Variants in GRB10 observed in about 807,000 individuals in gnomAD.
GRB10 encodes the protein growth factor receptor-bound protein 10.
A neutral mutation model predicts 80.9 loss-of-function variants in GRB10; 20 were observed. That is an observed-to-expected ratio of 0.25 (90% CI 0.17 to 0.36). GRB10 has a LOEUF of 0.36. Ranked by LOEUF, GRB10 falls within the 10% of genes least tolerant of loss-of-function variation. The probability of loss-of-function intolerance (pLI) is 1.00; values close to 1 mark genes in which losing one functional copy is unlikely to be tolerated. For synonymous variants in GRB10, 291 were observed against 291.5 expected (o/e 1.00, Z 0.02); for missense variants, 548 against 747.7 (o/e 0.73, Z 3.12).
At chr7:50,748,765 G>T (rs1176504979) in intron 3 of GRB10, among the ~76,000 whole-genome samples, 1 of 152,198 alleles carries the variant, frequency 6.6e-6, no homozygotes, top group Non-Finnish European at 1.5e-5. Flanking sequence ...TTGGGGTAAA[G>T]GGCAATGATA....
intron 4 of GRB10, among the ~76,000 whole-genome samples, chr7:50,723,347 G>A (rs1261397042): frequency 1.3e-5 from 2 of 152,168 alleles, no homozygotes; most frequent in African/African-American, 2.4e-5. Context: ...CCCCGGCTAT[G>A]TCTTACACAC....
Position 50,775,161 on chromosome 7 carries a change from C to CAAAAAAAAAAAAAAAAAAAAAAAAAAA in GRB10, c.-217+5465_-217+5466insTTTTTTTTTTTTTTTTTTTTTTTTTTT, listed in dbSNP as rs777553621. Among the ~76,000 whole-genome samples, 26 of 31,010 alleles carry CAAAAAAAAAAAAAAAAAAAAAAAAAAA rather than the reference C, an allele frequency of 8.4e-4. 5 individuals carry two copies. The highest frequency in any genetic ancestry group is 1.3e-3 in the Non-Finnish European group (20 of 15,442). The allele number at this position is 31,010 out of a possible 152,430, so 20.3% of individuals were successfully genotyped here. A position where few individuals can be genotyped will look rare whatever the true frequency, so the allele number is the denominator to read the frequency against. ...GAATGACACAGTGAGATCCTGTCTC[C>CAAAAAAAAAAAAAAAAAAAAAAAAAAA]AAAAAAAAAAAACAAAAAAAAACAG... On this transcript the variant is annotated intron_variant, in intron 2 of 18. Coordinates refer to ENST00000401949, the MANE Select transcript of GRB10 (RefSeq NM_001350814.2).
Position 50,590,405 on chromosome 7 carries a change from G to T in GRB10, c.*2547C>A, listed in dbSNP as rs1380535447. 1 of 152,238 alleles carries T rather than the reference G, an allele frequency of 6.6e-6. No individual in the cohort carries two copies. The highest frequency in any genetic ancestry group is 1.5e-5 in the Non-Finnish European group (1 of 68,038). 9.4% of individuals were successfully genotyped at this position (152,238 alleles called of 1,614,324 possible). A position where few individuals can be genotyped will look rare whatever the true frequency, so the allele number is the denominator to read the frequency against. Reference sequence around the variant, plus strand: ...AAAGAGAAGACAAAACATCTAGGCTGAGGCACATGTTTCTTCAAGGTTTAG... The same window carrying T: ...AAAGAGAAGACAAAACATCTAGGCTTAGGCACATGTTTCTTCAAGGTTTAG... On this transcript the variant is annotated 3_prime_UTR_variant, in exon 19 of 19. Transcript: ENST00000401949.
intron 7 of GRB10, among the ~76,000 whole-genome samples, chr7:50,660,786 G>A (rs2715098): frequency 0.053 from 8,026 of 152,156 alleles, 709 homozygotes; most frequent in African/African-American, 0.18. Flanking sequence ...TGACTCTTGC[G>A]TGCGTGAAGC....
chr7:50,648,025 GA>G (rs2057466498), intron 7 of GRB10, among the ~76,000 whole-genome samples: 4 of 152,178 alleles, frequency 2.6e-5, no homozygotes, highest in Non-Finnish European at 2.9e-5. Context: ...TTGGCAGCTG[GA>G]AACAGGAGTC....
intron 7 of GRB10, among the ~76,000 whole-genome samples, chr7:50,668,123 C>T (rs943691448): frequency 6.6e-6 from 1 of 152,146 alleles, no homozygotes; most frequent in Non-Finnish European, 1.5e-5. Flanking sequence ...ACTTACCTCA[C>T]CTTCTAAGTT....
chr7:50,597,208 C>A (rs2046812587), intron 17 of GRB10, among the ~76,000 whole-genome samples: 1 of 152,190 alleles, frequency 6.6e-6, no homozygotes, highest in Non-Finnish European at 1.5e-5. Context: ...GTAGAAACCT[C>A]CCCCACCCTT....
At chr7:50,694,923 A>G (rs1433970247) in intron 5 of GRB10, among the ~76,000 whole-genome samples, 1 of 152,192 alleles carries the variant, frequency 6.6e-6, no homozygotes, top group Non-Finnish European at 1.5e-5. Flanking sequence ...TAGACTGTCA[A>G]TCTCTAAAAA....
At chr7:50,612,152 G>C (rs1001124023) in intron 13 of GRB10, among the ~76,000 whole-genome samples, 4 of 152,186 alleles carry the variant, frequency 2.6e-5, no homozygotes, top group Non-Finnish European at 5.9e-5. Context: ...CTGCTGAGGA[G>C]CTTCAGTCAA....
chr7:50,661,930 G>A (rs982084778), intron 7 of GRB10, among the ~76,000 whole-genome samples: 3 of 152,146 alleles, frequency 2.0e-5, no homozygotes, highest in African/African-American at 7.2e-5. Context: ...TGCTGTCTCC[G>A]GCCCTAGACT....
At chr7:50,614,958 GTC>G in intron 11 of GRB10, 78 bp from the exon 12 acceptor site, 5 of 867,842 alleles carry the variant, frequency 5.8e-6, no homozygotes, top group Non-Finnish European at 9.9e-6. Context: ...ACAGAGGGCA[GTC>G]TCTGCACACT....
intron 7 of GRB10, among the ~76,000 whole-genome samples, chr7:50,629,094 G>C (rs2053526006): frequency 6.6e-6 from 1 of 152,154 alleles, no homozygotes; most frequent in Non-Finnish European, 1.5e-5. Flanking sequence ...ACCCAAATCA[G>C]GGTTCCTAAT....
upstream of GRB10, among the ~76,000 whole-genome samples, chr7:50,786,594 C>T (rs1298737840): frequency 6.6e-6 from 1 of 152,224 alleles, no homozygotes; most frequent in African/African-American, 2.4e-5. Flanking sequence ...CAATGGAAGC[C>T]TCTAAATGTT....
intron 7 of GRB10, among the ~76,000 whole-genome samples, chr7:50,629,506 G>A (rs2053602547): frequency 6.6e-6 from 1 of 152,154 alleles, no homozygotes; most frequent in Non-Finnish European, 1.5e-5. Flanking sequence ...CCAGCGACAG[G>A]CCCCTCTGCC....
chr7:50,627,415 G>A (rs1352566705), intron 7 of GRB10, among the ~76,000 whole-genome samples: 3 of 152,116 alleles, frequency 2.0e-5, no homozygotes, highest in South Asian at 2.1e-4. Flanking sequence ...AACCTTTGAC[G>A]AGTCGACCTG....
chr7:50,642,397 G>A (rs1039182394), intron 7 of GRB10, among the ~76,000 whole-genome samples: 3 of 151,604 alleles, frequency 2.0e-5, no homozygotes, highest in Admixed American at 1.3e-4. Flanking sequence ...ATGTAAACAC[G>A]TACACATATA....
At chr7:50,738,491 A>C (rs1244713579) in intron 3 of GRB10, among the ~76,000 whole-genome samples, 1 of 152,180 alleles carries the variant, frequency 6.6e-6, no homozygotes, top group Non-Finnish European at 1.5e-5. Context: ...CAGGCTGGAG[A>C]GCAGTGGTGT....
intron 12 of GRB10, among the ~76,000 whole-genome samples, chr7:50,614,175 AATGT>A (rs1167988423): frequency 6.6e-6 from 1 of 152,212 alleles, no homozygotes; most frequent in African/African-American, 2.4e-5. Context: ...ATGTGTGTAT[AATGT>A]ATGTGTATGC....
intron 5 of GRB10, among the ~76,000 whole-genome samples, chr7:50,687,349 C>T (rs889064676): frequency 2.0e-5 from 3 of 152,228 alleles, no homozygotes; most frequent in East Asian, 1.9e-4. Context: ...GGCCTCCCTG[C>T]GACTCCGTAG....
Sources: gnomAD v4.1 joint callset for allele counts (sites outside exome capture counted in the v4.1 genomes callset) on GRCh38, gnomAD v4.1.1 for gene constraint, MANE v1.5 for transcripts, NCBI Gene and HGNC (gene_info 2026-07-23, HGNC 2026-07-21) for gene names.